GALNT9: variants seen among roughly 807,000 people sequenced by gnomAD.
The protein encoded by GALNT9 is GalNAc transferase 9.
A neutral mutation model predicts 63.1 loss-of-function variants in GALNT9; 47 were observed. The ratio of observed to expected loss-of-function variants is 0.75; its 90% confidence interval spans 0.59 to 0.95. The LOEUF is 0.95. Among genes scored for constraint, GALNT9 ranks in the 40% least tolerant of loss-of-function variants. GALNT9 has a pLI of 0.00. For synonymous variants in GALNT9, 396 were observed against 365.7 expected (o/e 1.08, Z -0.94); for missense variants, 829 against 874.8 (o/e 0.95, Z 0.66).
rs937523763 is a variant in GALNT9 at position 132,262,441 on chromosome 12, G to C, written c.586+18C>G. ...GCAGCCGCCCGGCGAGCACCGTGCC[G>C]AGGCCCCGCCCACTCACCGTTGTCA... is the stretch of plus-strand genomic sequence containing the variant. On this transcript the variant is annotated intron_variant, in intron 3 of 10. Transcript: ENST00000328957. 2 of 1,543,568 alleles carry C rather than the reference G, an allele frequency of 1.3e-6. No homozygotes were observed. The highest frequency in any genetic ancestry group is 1.8e-6 in the Non-Finnish European group (2 of 1,142,850).
intron 1 of GALNT9, among the ~76,000 whole-genome samples, chr12:132,308,931 C>T (rs1881713004): frequency 6.6e-6 from 1 of 152,210 alleles, no homozygotes; most frequent in Admixed American, 6.5e-5. Flanking sequence ...CGCACTGTGA[C>T]TTCCGTGCCT....
chr12:132,308,893 AC>A (rs1203362560), intron 1 of GALNT9, among the ~76,000 whole-genome samples: 1 of 150,926 alleles, frequency 6.6e-6, no homozygotes, highest in Non-Finnish European at 1.5e-5. Context: ...GGCCGCACTC[AC>A]GCCTCACCCA....
chr12:132,313,633 C>T (rs1555245406), intron 1 of GALNT9, among the ~76,000 whole-genome samples: 1 of 144,260 alleles, frequency 6.9e-6, no homozygotes, highest in Non-Finnish European at 1.5e-5. Flanking sequence ...CATCCATCCA[C>T]CTACCCACTT....
rs1878963521 is a variant in GALNT9, at chr12:132,252,563, G to GT, written c.960-4537_960-4536insA. ...AGATAAAGAGAAAACAGCTGGGCCT[G>GT]GGGGGAACCACTGCCATCAAGACAC... On this transcript the variant is annotated intron_variant, in intron 5 of 10. Transcript: ENST00000328957. The surrounding 1 kb of genome is among the most constrained non-coding windows in gnomAD (Gnocchi z 5.2). 6.6e-6 allele frequency among the ~76,000 whole-genome samples: 1 copy of GT among 152,136 alleles called. No homozygotes were observed. Among genetic ancestry groups the GT allele is most frequent in the African/African-American group, 2.4e-5 (1 of 41,432 alleles).
chr12:132,301,194 G>A (rs1881281391), intron 1 of GALNT9, among the ~76,000 whole-genome samples: 1 of 152,366 alleles, frequency 6.6e-6, no homozygotes, highest in Admixed American at 6.5e-5. Context: ...CTCAAAGAGG[G>A]TGTCCAAAGG....
chr12:132,222,982 A>C (rs1877522557), intron 6 of GALNT9, among the ~76,000 whole-genome samples: 1 of 128,324 alleles, frequency 7.8e-6, no homozygotes, highest in Admixed American at 7.9e-5. Flanking sequence ...CACCCCACAC[A>C]ACCCACACCC....
At chr12:132,325,992 A>T (rs1555246498) in intron 1 of GALNT9, among the ~76,000 whole-genome samples, 1 of 152,242 alleles carries the variant, frequency 6.6e-6, no homozygotes, top group African/African-American at 2.4e-5. Context: ...CTCCACGCCC[A>T]CAGCAACAAA....
chr12:132,254,025 C>CTT (rs1348088057), intron 5 of GALNT9, among the ~76,000 whole-genome samples: 2 of 93,670 alleles, frequency 2.1e-5, no homozygotes, highest in Admixed American at 1.2e-4. Flanking sequence ...ACTGTTTTTT[C>CTT]TTTTTTTTTT....
At chr12:132,255,938 C>T (rs1398006798) in intron 5 of GALNT9, among the ~76,000 whole-genome samples, 1 of 151,986 alleles carries the variant, frequency 6.6e-6, no homozygotes, top group Admixed American at 6.6e-5. Context: ...TCTGCTGTTT[C>T]TGTCCCCATG....
At chr12:132,263,816 C>T (rs1411822120) in intron 2 of GALNT9, among the ~76,000 whole-genome samples, 1 of 152,228 alleles carries the variant, frequency 6.6e-6, no homozygotes, top group Non-Finnish European at 1.5e-5. Flanking sequence ...ACGCCTGCCC[C>T]CTACGCCTCC....
At chr12:132,328,379 CA>C (rs1243510440) in intron 1 of GALNT9, among the ~76,000 whole-genome samples, 3 of 152,198 alleles carry the variant, frequency 2.0e-5, no homozygotes, top group African/African-American at 7.2e-5. Flanking sequence ...CCAGGAGTCT[CA>C]GGTCTCAGCT....
At chr12:132,301,750 C>T (rs1555243857) in intron 1 of GALNT9, among the ~76,000 whole-genome samples, 2 of 152,272 alleles carry the variant, frequency 1.3e-5, no homozygotes, top group Non-Finnish European at 2.9e-5. Flanking sequence ...CCTGCACAAC[C>T]TTCATGACCC....
intron 2 of GALNT9, among the ~76,000 whole-genome samples, chr12:132,272,118 G>A (rs1879892085): frequency 6.6e-6 from 1 of 152,212 alleles, no homozygotes; most frequent in Admixed American, 6.5e-5. Flanking sequence ...AGCGGTCGGG[G>A]GACGCACCGT....
At position 132,196,672 on chromosome 12, in the gene GALNT9, C is replaced by T. The variant is rs1025083563; in HGVS notation, c.*435G>A. On this transcript the variant is annotated 3_prime_UTR_variant, in exon 11 of 11. Coordinates refer to ENST00000328957, the MANE Select transcript of GALNT9 (RefSeq NM_001122636.2). The stretch of plus-strand genomic sequence containing the variant: ...CTTAGGTCTTGGTTGGAGGGCTGAG[C>T]GGCCGCAAGTGCTGGGGGAGGCTGC... 9.0e-6 allele frequency: 9 copies of T among 1,001,746 alleles called. No homozygotes were observed. The highest frequency in any genetic ancestry group is 8.8e-5 in the South Asian group (2 of 22,616). The allele number at this position is 1,001,746 out of a possible 1,614,324, so 62.1% of individuals were successfully genotyped here. A position where few individuals can be genotyped will look rare whatever the true frequency, so the allele number is the denominator to read the frequency against.
intron 6 of GALNT9, among the ~76,000 whole-genome samples, chr12:132,209,773 A>C (rs1007271703): frequency 3.3e-4 from 51 of 152,344 alleles, no homozygotes; most frequent in African/African-American, 1.1e-3. Flanking sequence ...GTTCGGGGAA[A>C]TCCTGCTGCC....
chr12:132,196,599 C>T lies in GALNT9; in HGVS notation c.*508G>A, dbSNP rs943972792. ...TCAGGTTTGTCGCTGTCCATGTCCT[C>T]CAGCACCCCTCTTACCAGACCACAA... On this transcript the variant is annotated 3_prime_UTR_variant, in exon 11 of 11. Transcript: ENST00000328957. 5 of 987,858 alleles carry T rather than the reference C, an allele frequency of 5.1e-6. No individual in the cohort carries two copies. The highest frequency in any genetic ancestry group is 6.0e-6 in the Non-Finnish European group (5 of 831,690). 61.2% of individuals were successfully genotyped at this position (987,858 alleles called of 1,614,324 possible).
intron 8 of GALNT9, 185 bp downstream of exon 8, chr12:132,200,939 G>A (rs976554128): frequency 3.0e-5 from 18 of 592,506 alleles, no homozygotes; most frequent in South Asian, 6.2e-5. Context: ...CTGCATCACC[G>A]TGAATGCACA....
At chr12:132,203,339 C>T (rs1276687922) in intron 7 of GALNT9, among the ~76,000 whole-genome samples, 166 bp downstream of exon 7, 1 of 151,596 alleles carries the variant, frequency 6.6e-6, no homozygotes, top group Non-Finnish European at 1.5e-5. Flanking sequence ...AGACAGCTCA[C>T]CCACTCACAC....
At position 132,250,647 on chromosome 12, in the gene GALNT9, C is replaced by T. The variant is rs557501398; in HGVS notation, c.960-2620G>A. The stretch of plus-strand genomic sequence containing the variant: ...TCTACTAAAAATACAAAAAATTAGC[C>T]GGGCGTGGTGGTGTGCACCTGTAAT... On this transcript the variant is annotated intron_variant, in intron 5 of 10. Transcript: ENST00000328957. Among the ~76,000 whole-genome samples the T allele has an allele frequency of 5.3e-5, 8 of 152,270 alleles. No individual in the cohort carries two copies. The East Asian group carries it at 5.8e-4, about 11-fold the overall frequency.
Sources: allele counts gnomAD v4.1 joint callset (sites outside exome capture counted in the v4.1 genomes callset), GRCh38; gene constraint gnomAD v4.1.1; non-coding constraint Gnocchi (gnomAD v3.1); transcripts MANE v1.5; gene names NCBI Gene and HGNC (gene_info 2026-07-23, HGNC 2026-07-21).